The following COL25A1 variants were observed in gnomAD, a reference collection of about 807,000 sequenced individuals.
COL25A1 encodes collagen type XXV alpha 1 chain, also known as collagen alpha-1(XXV) chain.
Under a neutral mutation model 128.4 loss-of-function variants are expected in COL25A1, and 103 were observed. That is an observed-to-expected ratio of 0.80 (90% CI 0.68 to 0.94). The LOEUF (loss-of-function observed/expected upper bound fraction) is 0.94, where lower values mean the gene tolerates loss of function less well. COL25A1 is among the 40% of genes least tolerant of loss of function. The probability of loss-of-function intolerance (pLI) is 0.00; values close to 1 mark genes in which losing one functional copy is unlikely to be tolerated. For synonymous variants in COL25A1, 279 were observed against 277.2 expected (o/e 1.01, Z -0.06); for missense variants, 745 against 840.0 (o/e 0.89, Z 1.40).
In COL25A1 at chr4:108,845,196, C is replaced by A; in HGVS notation, c.1571G>T (p.Gly524Val). The change falls in exon 29 of 38, where the codon GGT (glycine) becomes GTT (valine). Residue 524 changes from glycine (G) to valine (V), a missense_variant. Transcript: ENST00000399132. ...CAGCCACCATGGACTTACAGAAGGA[C>A]CCTGTGGACCCGGCATTCCAGAATC... ...KGDSGMPGPQ[G>V]PSIIGPPGPP... 2 of 1,613,578 alleles carry A rather than the reference C, an allele frequency of 1.2e-6. No individual in the cohort carries two copies. Among genetic ancestry groups the A allele is most frequent in the Non-Finnish European group, 1.7e-6 (2 of 1,179,518 alleles).
chr4:109,222,309 G>A (rs113022363), intron 3 of COL25A1, among the ~76,000 whole-genome samples: 8,888 of 151,802 alleles, frequency 0.059, 805 homozygotes, highest in African/African-American at 0.19. Context: ...TGATCCGCCC[G>A]CCTCGGCCTC....
intron 33 of COL25A1, among the ~76,000 whole-genome samples, chr4:108,826,657 A>G (rs548498054): frequency 1.2e-4 from 18 of 152,266 alleles, no homozygotes; most frequent in Non-Finnish European, 2.4e-4. Context: ...TCAAGTCGTC[A>G]TAAATATCAA....
intron 3 of COL25A1, among the ~76,000 whole-genome samples, chr4:109,064,965 C>A (rs1762278825): frequency 6.6e-6 from 1 of 152,180 alleles, no homozygotes; most frequent in Non-Finnish European, 1.5e-5. Context: ...AGAAGTAGAA[C>A]ATGGTGTATC....
chr4:108,898,597 T>C (rs1257145388), intron 15 of COL25A1, among the ~76,000 whole-genome samples: 1 of 152,150 alleles, frequency 6.6e-6, no homozygotes, highest in Non-Finnish European at 1.5e-5. Flanking sequence ...CTTTTTGGTT[T>C]TTATGGGAAT....
chr4:109,264,987 T>C (rs533052869), intron 3 of COL25A1, among the ~76,000 whole-genome samples: 5 of 151,518 alleles, frequency 3.3e-5, no homozygotes, highest in Admixed American at 2.6e-4. Flanking sequence ...GCATAATTTC[T>C]AGTTAATCTA....
intron 3 of COL25A1, among the ~76,000 whole-genome samples, chr4:109,276,041 T>C (rs147015039): frequency 2.2e-3 from 336 of 152,348 alleles, no homozygotes; most frequent in African/African-American, 7.8e-3. Context: ...CCATATATAC[T>C]GCTGTCATAG....
At chr4:109,278,502 C>T (rs1428139221) in intron 3 of COL25A1, among the ~76,000 whole-genome samples, 2 of 151,968 alleles carry the variant, frequency 1.3e-5, no homozygotes, top group African/African-American at 4.8e-5. Flanking sequence ...GCTGAAGGTC[C>T]GTTGGCCAGC....
Position 109,112,677 on chromosome 4 carries a change from C to G in COL25A1, c.368-62498G>C, listed in dbSNP as rs1767140367. Among the ~76,000 whole-genome samples, 4 of 151,858 alleles carry G rather than the reference C, an allele frequency of 2.6e-5. No homozygotes were observed. The South Asian group carries it at 8.3e-4, about 32-fold the overall frequency. On this transcript the variant is annotated intron_variant, in intron 3 of 37. Transcript: ENST00000399132. ...AAAAAGAAAGAAAAATGATAGTAGT[C>G]CCAAAGAAAGTAAATTTTATGTTTA...
At chr4:109,272,611 G>A (rs767539318) in intron 3 of COL25A1, among the ~76,000 whole-genome samples, 1 of 152,186 alleles carries the variant, frequency 6.6e-6, no homozygotes, top group Non-Finnish European at 1.5e-5. Flanking sequence ...TGGAAGTTAA[G>A]TATGTACTAT....
intron 6 of COL25A1, among the ~76,000 whole-genome samples, chr4:108,984,634 G>C (rs866767840): frequency 2.0e-5 from 3 of 152,340 alleles, no homozygotes; most frequent in South Asian, 2.1e-4. Context: ...GGGGCCAGCC[G>C]GCCGCTCCGA....
At chr4:109,123,780 T>C (rs1183796906) in intron 3 of COL25A1, among the ~76,000 whole-genome samples, 1 of 152,108 alleles carries the variant, frequency 6.6e-6, no homozygotes, top group African/African-American at 2.4e-5. Context: ...GATGTTGCTG[T>C]TGGACATAGG....
chr4:108,925,341 A>G (rs1054019934), intron 11 of COL25A1, among the ~76,000 whole-genome samples: 2 of 150,842 alleles, frequency 1.3e-5, no homozygotes, highest in Admixed American at 1.3e-4. Flanking sequence ...AATAGTTTAA[A>G]TTGTGTGTGT....
chr4:109,219,135 T>C (rs1243341418), intron 3 of COL25A1, among the ~76,000 whole-genome samples: 1 of 152,128 alleles, frequency 6.6e-6, no homozygotes, highest in Non-Finnish European at 1.5e-5. Flanking sequence ...TCTGCAAGCA[T>C]AAAAGCAAGT....
chr4:108,889,857 C>T (rs1173590126), intron 16 of COL25A1, 124 bp from the exon 17 acceptor site: 10 of 732,018 alleles, frequency 1.4e-5, no homozygotes, highest in Non-Finnish European at 2.1e-5. Context: ...TGCCTAACTA[C>T]GTTCCAGAAG....
rs1578470802 is a variant in COL25A1, at chr4:109,218,356, G to GGTTTTTTTTTTTTTTGTTTT, written c.367+82226_367+82227insAAAACAAAAAAAAAAAAAAC. Among the ~76,000 whole-genome samples the GGTTTTTTTTTTTTTTGTTTT allele has an allele frequency of 1.5e-4, 15 of 100,468 alleles. No homozygotes were observed. The East Asian group carries it at 2.7e-3, about 18-fold the overall frequency. The allele number at this position is 100,468 out of a possible 152,430, so 65.9% of individuals were successfully genotyped here. A position where few individuals can be genotyped will look rare whatever the true frequency, so the allele number is the denominator to read the frequency against. On this transcript the variant is annotated intron_variant, in intron 3 of 37. Transcript: ENST00000399132. ...GCAGAATCAATTGCTGGTTTTTTGGGGTTTTTTTTTTTTTTTTTTTTTTTT... is the reference window on the plus strand; with the variant it reads ...GCAGAATCAATTGCTGGTTTTTTGGGGTTTTTTTTTTTTTTGTTTTGTTTTTTTTTTTTTTTTTTTTTTTT...
chr4:109,262,971 A>G (rs1560949018), intron 3 of COL25A1, among the ~76,000 whole-genome samples: 3 of 152,068 alleles, frequency 2.0e-5, no homozygotes, highest in Non-Finnish European at 4.4e-5. Context: ...CTTTACTAAA[A>G]TACAAAAATT....
chr4:108,934,845 A>T (rs1747215820), intron 11 of COL25A1, among the ~76,000 whole-genome samples: 1 of 152,222 alleles, frequency 6.6e-6, no homozygotes, highest in Non-Finnish European at 1.5e-5. Flanking sequence ...TCTGTTATAT[A>T]AATCTACACT....
intron 19 of COL25A1, among the ~76,000 whole-genome samples, chr4:108,882,626 T>C (rs1740268988): frequency 6.6e-6 from 1 of 152,180 alleles, no homozygotes; most frequent in African/African-American, 2.4e-5. Flanking sequence ...TTTAACTCTA[T>C]AATATGAAAC....
At chr4:109,030,579 G>A (rs1188648069) in intron 5 of COL25A1, among the ~76,000 whole-genome samples, 12 of 152,186 alleles carry the variant, frequency 7.9e-5, no homozygotes, top group African/African-American at 2.7e-4. Flanking sequence ...AATTACTGAT[G>A]TTGCAAAGAT....
Sources: allele counts gnomAD v4.1 joint callset (sites outside exome capture counted in the v4.1 genomes callset), GRCh38; gene constraint gnomAD v4.1.1; transcripts MANE v1.5; gene names NCBI Gene and HGNC (gene_info 2026-07-23, HGNC 2026-07-21).